Variants in CP observed in about 807,000 individuals in gnomAD.
The protein encoded by CP is caeruloplasmin.
Under a neutral mutation model 122.4 loss-of-function variants are expected in CP, and 64 were observed. That is an observed-to-expected ratio of 0.52 (90% CI 0.43 to 0.64). The LOEUF (loss-of-function observed/expected upper bound fraction) is 0.64. Ranked by LOEUF, CP falls within the 30% of genes least tolerant of loss-of-function variation. CP has a pLI of 0.00. For missense variants in CP, 1,167 were observed against 1,284.4 expected (o/e 0.91, Z 1.40); for synonymous variants, 440 against 436.4 (o/e 1.01, Z -0.10).
intron 3 of CP, among the ~76,000 whole-genome samples, chr3:149,209,612 T>A (rs985013289): frequency 2.6e-5 from 4 of 152,182 alleles, no homozygotes; most frequent in African/African-American, 9.7e-5. Flanking sequence ...ACTGACCACA[T>A]AACTATTAAA....
intron 15 of CP, among the ~76,000 whole-genome samples, chr3:149,178,843 G>A (rs1325189973): frequency 6.6e-6 from 1 of 152,184 alleles, no homozygotes; most frequent in African/African-American, 2.4e-5. Context: ...GGGTGATGCT[G>A]ACATAACAGA....
chr3:149,196,667 G>C (rs529055653), intron 9 of CP, among the ~76,000 whole-genome samples: 2 of 152,234 alleles, frequency 1.3e-5, no homozygotes, highest in East Asian at 3.9e-4. Context: ...AACATCAGTA[G>C]GAATAATGGC....
At chr3:149,180,409 G>A (rs903254228) in intron 14 of CP, among the ~76,000 whole-genome samples, 6 of 152,124 alleles carry the variant, frequency 3.9e-5, no homozygotes, top group East Asian at 1.9e-4. Context: ...CTTTTCTCCA[G>A]TCTGATCTGC....
Position 149,183,242 on chromosome 3 carries a change from C to T in CP, c.2425+224G>A, listed in dbSNP as rs140675831. ...AAATATATATAATTTCATCAGTATACGGGACAATACATAGTTTCCAAGAGA... is the reference window on the plus strand; with the variant it reads ...AAATATATATAATTTCATCAGTATATGGGACAATACATAGTTTCCAAGAGA... On this transcript the variant is annotated intron_variant, in intron 13 of 18. Transcript: ENST00000264613. Among the ~76,000 whole-genome samples, 20 of 152,140 alleles carry T rather than the reference C, an allele frequency of 1.3e-4. No homozygotes were observed. The East Asian group carries it at 2.1e-3, about 16-fold the overall frequency.
intron 10 of CP, 95 bp downstream of exon 10, chr3:149,187,953 TAATC>T (rs774935732): frequency 1.2e-4 from 159 of 1,303,714 alleles, no homozygotes; most frequent in Non-Finnish European, 8.9e-5. Flanking sequence ...ATTGAAAAAA[TAATC>T]AATGAGCAAA....
intron 3 of CP, 78 bp downstream of exon 3, chr3:149,210,089 T>TTGATTTC: frequency 7.0e-7 from 1 of 1,419,110 alleles, no homozygotes; most frequent in Non-Finnish European, 9.9e-7. Context: ...CACAGAAGAC[T>TTGATTTC]TGATTTCTTT....
At chr3:149,168,239 C>T, downstream of CP, 1 of 427,940 alleles carries the variant, frequency 2.3e-6, no homozygotes, top group Non-Finnish European at 4.3e-6. Flanking sequence ...TAGAAAATGA[C>T]AGCATCAGTG....
chr3:149,217,986 C>G (rs879892783), intron 1 of CP: 1 of 283,340 alleles, frequency 3.5e-6, no homozygotes, highest in Non-Finnish European at 7.3e-6. Context: ...TTGGAAACCT[C>G]TAATGGAATG....
At chr3:149,174,359 A>C (rs1725270572) in intron 18 of CP, among the ~76,000 whole-genome samples, 1 of 152,186 alleles carries the variant, frequency 6.6e-6, no homozygotes, top group African/African-American at 2.4e-5. Flanking sequence ...GTGGTCATGT[A>C]CAAGAATATT....
chr3:149,219,051 G>T (rs1576792133), intron 1 of CP, among the ~76,000 whole-genome samples: 1 of 152,228 alleles, frequency 6.6e-6, no homozygotes, highest in Non-Finnish European at 1.5e-5. Flanking sequence ...GGACCAAAAG[G>T]TTGCTATCTG....
intron 18 of CP, 90 bp downstream of exon 18, chr3:149,176,160 G>A (rs1725401374): frequency 2.5e-6 from 3 of 1,180,080 alleles, no homozygotes; most frequent in Non-Finnish European, 3.8e-6. Flanking sequence ...TCATATTGAT[G>A]CATCATATTG....
chr3:149,218,056 G>A (rs1642943015), intron 1 of CP: 1 of 192,114 alleles, frequency 5.2e-6, no homozygotes, highest in Admixed American at 6.2e-5. Context: ...AAGCCTGAGT[G>A]AGAGCCTATG....
chr3:149,162,654 A>T (rs1366271625), exon 6 of CP: 2 of 1,596,728 alleles, frequency 1.3e-6, no homozygotes, highest in Admixed American at 1.7e-5. Flanking sequence ...TGCTATATTT[A>T]TCTGGAATAT....
chr3:149,188,932 AT>A (rs1726364844), intron 9 of CP, among the ~76,000 whole-genome samples: 1 of 152,186 alleles, frequency 6.6e-6, no homozygotes, highest in Non-Finnish European at 1.5e-5. Flanking sequence ...TAAGGTGATT[AT>A]CAAATTGAAA....
At position 149,196,530 on chromosome 3, in the gene CP, C is replaced by T. The variant is rs139467246; in HGVS notation, c.1713+1837G>A. Among the ~76,000 whole-genome samples the T allele has an allele frequency of 6.1e-4, 93 of 152,062 alleles. No individual in the cohort carries two copies. The East Asian group carries it at 0.014, about 22-fold the overall frequency. Reference sequence around the variant, plus strand: ...AAATGGTTAGTTTCAGTTCTGGCTCCGAAAATGTGCAAAATGAGCCTGGTG... The same window carrying T: ...AAATGGTTAGTTTCAGTTCTGGCTCTGAAAATGTGCAAAATGAGCCTGGTG... On this transcript the variant is annotated intron_variant, in intron 9 of 18. Coordinates refer to ENST00000264613, the MANE Select transcript of CP (RefSeq NM_000096.4).
intron 14 of CP, 77 bp downstream of exon 14, chr3:149,181,928 C>T: frequency 3.9e-6 from 6 of 1,527,306 alleles, no homozygotes; most frequent in Non-Finnish European, 3.6e-6. Context: ...TCCAGACTCT[C>T]TATGATGAGA....
chr3:149,213,078 C>T (rs1172853607), intron 1 of CP, among the ~76,000 whole-genome samples: 1 of 152,098 alleles, frequency 6.6e-6, no homozygotes, highest in African/African-American at 2.4e-5. Context: ...TTCACTTCTA[C>T]CTCTCTTAGC....
chr3:149,208,701 T>C (rs562117839), intron 4 of CP, among the ~76,000 whole-genome samples: 38 of 152,080 alleles, frequency 2.5e-4, no homozygotes, highest in Non-Finnish European at 4.1e-4. Context: ...AAGTCTAAAC[T>C]GTAAAAAAAG....
intron 9 of CP, among the ~76,000 whole-genome samples, chr3:149,188,443 T>TCTAA (rs1489846495): frequency 7.9e-6 from 1 of 125,874 alleles, no homozygotes; most frequent in African/African-American, 3.0e-5. Flanking sequence ...ATCTAAAAGT[T>TCTAA]CTAACTCTAC....
Sources: gnomAD v4.1 joint callset for allele counts (sites outside exome capture counted in the v4.1 genomes callset) on GRCh38, gnomAD v4.1.1 for gene constraint, MANE v1.5 for transcripts, NCBI Gene and HGNC (gene_info 2026-07-23, HGNC 2026-07-21) for gene names.